The following ARSK variants were observed in gnomAD, a reference collection of about 807,000 sequenced individuals.
ARSK encodes the protein arylsulfatase K.
ARSK carries 37 observed loss-of-function variants against 53.2 expected under a neutral mutation model. The ratio of observed to expected loss-of-function variants is 0.70; its 90% CI spans 0.54 to 0.92. The LOEUF is 0.92. Among genes scored for constraint, ARSK ranks in the 40% least tolerant of loss-of-function variants. ARSK has a pLI of 0.00. For synonymous variants in ARSK, 208 were observed against 223.2 expected, an observed-to-expected ratio of 0.93 and a Z score of 0.61; for missense variants, 613 against 643.0, an observed-to-expected ratio of 0.95 and a Z score of 0.51.
intron 1 of ARSK, among the ~76,000 whole-genome samples, chr5:95,564,503 A>G (rs1194264681): frequency 6.6e-6 from 1 of 152,198 alleles, no homozygotes; most frequent in African/African-American, 2.4e-5. Context: ...GCTTTGCAAA[A>G]TAACTTCTCA....
intron 6 of ARSK, among the ~76,000 whole-genome samples, chr5:95,595,819 G>A (rs1749299461): frequency 1.3e-5 from 2 of 152,132 alleles, no homozygotes; most frequent in Non-Finnish European, 2.9e-5. Context: ...TGTACCCACT[G>A]AATGTAAAAC....
intron 1 of ARSK, 132 bp from the exon 2 acceptor site, chr5:95,565,866 G>C (rs1748716881): frequency 2.3e-6 from 2 of 852,686 alleles, no homozygotes; most frequent in South Asian, 3.9e-5. Context: ...CTCTATACTT[G>C]TTTTGTTTTT....
Position 95,555,338 on chromosome 5 carries a change from A to C in ARSK, c.60A>C (p.Gly20=). ...AALALAVLAP[G]AGEQRRRAAK... The stretch of plus-strand genomic sequence containing the variant: ...TGGCGCTGGCGGTACTGGCCCCCGG[A>C]GCAGGGGAGCAGAGGCGGAGAGCAG... Residue 20 remains glycine, a synonymous_variant, in exon 1 of 8, where the codon GGA becomes GGC. Coordinates refer to ENST00000380009, the MANE Select transcript of ARSK (RefSeq NM_198150.3). The surrounding 1 kb of genome is among the most constrained non-coding windows in gnomAD (Gnocchi z 4.0). 2 of 1,609,342 alleles carry C rather than the reference A, an allele frequency of 1.2e-6. No homozygotes were observed. The highest frequency in any genetic ancestry group is 2.2e-5 in the South Asian group (2 of 90,640).
chr5:95,603,362 T>C lies in ARSK; in HGVS notation c.1447T>C (p.Tyr483His). The C allele has an allele frequency of 6.2e-7, 1 of 1,613,528 alleles. No homozygotes were observed. Among genetic ancestry groups the C allele is most frequent in the Non-Finnish European group, 8.5e-7 (1 of 1,179,708 alleles). The change falls in exon 8 of 8, where the codon TAT becomes CAT. Residue 483 changes from tyrosine (Y) to histidine (H), a missense_variant. Transcript: ENST00000380009. ...YPKVSASVHQ[Y>H]NKEQFIKWKQ... Reference sequence around the variant, plus strand: ...TAAAGTTTCTGCTTCTGTCCACCAGTATAATAAAGAGCAGTTTATCAAGTG... The same window carrying C: ...TAAAGTTTCTGCTTCTGTCCACCAGCATAATAAAGAGCAGTTTATCAAGTG...
chr5:95,567,398 G>C (rs185873540), intron 2 of ARSK, among the ~76,000 whole-genome samples: 1 of 152,146 alleles, frequency 6.6e-6, no homozygotes, highest in Non-Finnish European at 1.5e-5. Context: ...GAAAAAAAGT[G>C]TTTATTGAAT....
chr5:95,562,234 A>C (rs1241848845), intron 1 of ARSK, among the ~76,000 whole-genome samples: 1 of 151,754 alleles, frequency 6.6e-6, no homozygotes, highest in Non-Finnish European at 1.5e-5. Context: ...AAAAATTTAA[A>C]ATTAAATAAA....
chr5:95,591,456 A>G lies in ARSK; in HGVS notation c.927A>G (p.Ile309Met). 2 of 1,614,138 alleles carry G rather than the reference A, an allele frequency of 1.2e-6. No individual in the cohort carries two copies. The highest frequency in any genetic ancestry group is 8.5e-7 in the Non-Finnish European group (1 of 1,180,004). ...QLDLLQKTIV[I>M]YSSDHGELAM... is the part of the protein sequence containing the mutation. ...ATCTTCTTCAGAAAACTATTGTCAT[A>G]TACTCCTCAGACCATGGAGAGCTGG... Residue 309 changes from isoleucine to methionine, a missense_variant, in exon 6 of 8, where the codon ATA (isoleucine) becomes ATG (methionine). Transcript: ENST00000380009.
chr5:95,560,636 T>A (rs1306888161), intron 1 of ARSK, among the ~76,000 whole-genome samples: 5 of 151,190 alleles, frequency 3.3e-5, no homozygotes, highest in Admixed American at 3.3e-4. Context: ...AAAAAAAAAA[T>A]ATGAATGAAG....
In ARSK at chr5:95,583,185, A is replaced by T. The variant is rs143699206; in HGVS notation, c.686A>T (p.Tyr229Phe). 15 of 1,566,722 alleles carry T rather than the reference A, an allele frequency of 9.6e-6. No homozygotes were observed. The highest frequency in any genetic ancestry group is 1.3e-5 in the Non-Finnish European group (15 of 1,151,308). The change falls in exon 4 of 8, where the codon TAT becomes TTT. Residue 229 changes from tyrosine (Y) to phenylalanine (F), a missense_variant. Tyr to Phe is a conservative substitution (Grantham distance 22). Coordinates refer to ENST00000380009, the MANE Select transcript of ARSK (RefSeq NM_198150.3). Reference sequence around the variant, plus strand: ...TCTTCAACATTTCACACATCTCTTTATTGGCTTGAAAAAGTAAGTAACTAC... The same window carrying T: ...TCTTCAACATTTCACACATCTCTTTTTTGGCTTGAAAAAGTAAGTAACTAC... ...FGSSTFHTSL[Y>F]WLEKVSHDAI...
rs1472134179 is a variant in ARSK, at chr5:95,567,986, G to A, written c.353G>A (p.Arg118Lys). 1.9e-6 allele frequency: 3 copies of A among 1,613,774 alleles called. No individual in the cohort carries two copies. The South Asian group carries it at 3.3e-5, about 18-fold the overall frequency. The change falls in exon 3 of 8, where the codon AGG becomes AAG. Residue 118 changes from arginine to lysine, a missense_variant. Arg to Lys is a conservative substitution (Grantham distance 26). Transcript: ENST00000380009. Reference sequence around the variant, plus strand: ...ACAACATGGATGGATGTCATGGAGAGGCATGGCTACCGAACACAGAAATTT... The same window carrying A: ...ACAACATGGATGGATGTCATGGAGAAGCATGGCTACCGAACACAGAAATTT... ...NYTTWMDVME[R>K]HGYRTQKFGK... is the part of the protein sequence containing the mutation.
intron 3 of ARSK, 115 bp downstream of exon 3, chr5:95,568,164 A>T (rs1242533263): frequency 1.6e-5 from 19 of 1,156,588 alleles, no homozygotes; most frequent in Non-Finnish European, 2.3e-5. Context: ...AAATCTCTTA[A>T]TCCCTTCATT....
intron 1 of ARSK, chr5:95,556,498 A>G (rs1561358184): frequency 1.2e-5 from 5 of 413,050 alleles, no homozygotes; most frequent in Admixed American, 4.3e-5. Context: ...TTCCACCTGC[A>G]TGTTGGATGG....
intron 3 of ARSK, among the ~76,000 whole-genome samples, chr5:95,581,460 C>T (rs1435608383): frequency 6.6e-6 from 1 of 152,130 alleles, no homozygotes; most frequent in Non-Finnish European, 1.5e-5. Flanking sequence ...GGTCAGTTAG[C>T]ACAATCAGGA....
chr5:95,573,422 A>G (rs1748868603), intron 3 of ARSK, among the ~76,000 whole-genome samples: 3 of 152,354 alleles, frequency 2.0e-5, no homozygotes, highest in Admixed American at 6.5e-5. Flanking sequence ...TTACAAAAGT[A>G]AAATCAGGTA....
rs1258175979 is a variant in ARSK, at chr5:95,582,996, A to G, written c.497A>G (p.Asn166Ser). 3 of 1,613,886 alleles carry G rather than the reference A, an allele frequency of 1.9e-6. No individual in the cohort carries two copies. Among genetic ancestry groups the G allele is most frequent in the Non-Finnish European group, 1.7e-6 (2 of 1,179,784 alleles). Residue 166 changes from asparagine (N) to serine (S), a missense_variant, in exon 4 of 8, where the codon AAC (asparagine) becomes AGC (serine). Coordinates refer to ENST00000380009, the MANE Select transcript of ARSK (RefSeq NM_198150.3). ...AGGCCCATGGTTAATCTTATCCGTA[A>G]CAGGACTAAAGTCAGAGTGATGGAA... ...EGRPMVNLIR[N>S]RTKVRVMERD... is the part of the protein sequence containing the mutation.
chr5:95,561,026 G>A (rs1748623717), intron 1 of ARSK, among the ~76,000 whole-genome samples: 1 of 152,016 alleles, frequency 6.6e-6, no homozygotes, highest in Non-Finnish European at 1.5e-5. Context: ...AGCCAGGATG[G>A]TCTCGATCTC....
At chr5:95,599,942 T>A (rs1026161315) in intron 6 of ARSK, among the ~76,000 whole-genome samples, 4 of 152,204 alleles carry the variant, frequency 2.6e-5, no homozygotes, top group African/African-American at 9.6e-5. Flanking sequence ...ATATGAACAT[T>A]GAAACCAGAA....
chr5:95,597,252 TAA>T (rs1331806117), intron 6 of ARSK, among the ~76,000 whole-genome samples: 1 of 152,222 alleles, frequency 6.6e-6, no homozygotes, highest in African/African-American at 2.4e-5. Context: ...ACTTAAAAGA[TAA>T]GTCTAGATTT....
At chr5:95,597,309 A>G (rs1749325748) in intron 6 of ARSK, among the ~76,000 whole-genome samples, 1 of 152,226 alleles carries the variant, frequency 6.6e-6, no homozygotes, top group African/African-American at 2.4e-5. Context: ...AGTTGTAGTT[A>G]AAAGAATATT....
Sources: gnomAD v4.1 joint callset for allele counts (sites outside exome capture counted in the v4.1 genomes callset) on GRCh38, gnomAD v4.1.1 for gene constraint, Gnocchi (gnomAD v3.1) non-coding constraint, MANE v1.5 for transcripts, NCBI Gene and HGNC (gene_info 2026-07-23, HGNC 2026-07-21) for gene names.